CLOCK: variants seen among roughly 807,000 people sequenced by gnomAD.
The protein encoded by CLOCK is clock circadian regulator.
Under a neutral mutation model 118.4 loss-of-function variants are expected in CLOCK, and 43 were observed. The observed-to-expected ratio is 0.36, with a 90% confidence interval of 0.28 to 0.47. CLOCK has a LOEUF of 0.47. CLOCK is among the 20% of genes least tolerant of loss of function. CLOCK has a pLI of 1.00. For synonymous variants in CLOCK, 326 were observed against 339.2 expected (o/e 0.96, Z 0.43); for missense variants, 846 against 999.9 (o/e 0.85, Z 2.08).
At position 55,444,637 on chromosome 4, in the gene CLOCK, A is replaced by G; in HGVS notation, c.1688T>C (p.Leu563Pro). 2 of 1,614,080 alleles carry G rather than the reference A, an allele frequency of 1.2e-6. No individual in the cohort carries two copies. The highest frequency in any genetic ancestry group is 1.7e-6 in the Non-Finnish European group (2 of 1,179,994). Residue 563 changes from leucine to proline, a missense_variant, in exon 19 of 23, where the codon CTG becomes CCG. Around this residue, in one of 4 missense-constraint regions of CLOCK, gnomAD observed 520 missense variants for 558.0 expected, o/e 0.93. Coordinates refer to ENST00000513440, the MANE Select transcript of CLOCK (RefSeq NM_004898.4). ...EQLQMVHGQG[L>P]QMFLQQSNPG... ...GTATTCAAATATAACAATTACCTGC[A>G]GCCCCTGACCATGGACCATCTGAAG...
intron 1 of CLOCK, among the ~76,000 whole-genome samples, chr4:55,521,846 T>TC (rs368809430): frequency 2.6e-5 from 4 of 152,210 alleles, no homozygotes; most frequent in African/African-American, 9.6e-5. Context: ...GACAAACTGA[T>TC]CTTAGTATTT....
chr4:55,461,516 T>C (rs1725343629), intron 9 of CLOCK, among the ~76,000 whole-genome samples: 1 of 152,206 alleles, frequency 6.6e-6, no homozygotes, highest in Non-Finnish European at 1.5e-5. Flanking sequence ...ATCATCAGAA[T>C]GGTCTGATCC....
intron 1 of CLOCK, among the ~76,000 whole-genome samples, chr4:55,539,074 A>C (rs181567439): frequency 2.6e-5 from 4 of 152,170 alleles, no homozygotes; most frequent in Non-Finnish European, 4.4e-5. Context: ...CTCTACTAAA[A>C]ATACAAAAAA....
chr4:55,444,974 T>C (rs1029863419), intron 18 of CLOCK, among the ~76,000 whole-genome samples, 189 bp from the exon 19 acceptor site: 4 of 152,190 alleles, frequency 2.6e-5, no homozygotes, highest in Admixed American at 2.6e-4. Context: ...ACCTTCAAAA[T>C]ATTTCTCCTT....
At chr4:55,507,820 AT>A (rs1414050943) in intron 2 of CLOCK, among the ~76,000 whole-genome samples, 1 of 152,158 alleles carries the variant, frequency 6.6e-6, no homozygotes, top group Non-Finnish European at 1.5e-5. Context: ...TGTGCCAAAT[AT>A]GTGCCAGGCC....
At chr4:55,448,678 C>T (rs1724151461) in intron 18 of CLOCK, 101 bp downstream of exon 18, 14 of 756,402 alleles carry the variant, frequency 1.9e-5, no homozygotes, top group Middle Eastern at 2.5e-4. Context: ...GCTGTGGCTA[C>T]AGGTGCTTGC....
chr4:55,450,236 T>C lies in CLOCK; in HGVS notation c.1207-4A>G, dbSNP rs1487523741. 2 of 1,613,968 alleles carry C rather than the reference T, an allele frequency of 1.2e-6. No homozygotes were observed. Among genetic ancestry groups the C allele is most frequent in the Non-Finnish European group, 1.7e-6 (2 of 1,179,882 alleles). Reference sequence around the variant, plus strand: ...TATCTGACCCAGAATCTTGGCTCTATGGAGACAGAGTAAAATAAATGTTTT... The same window carrying C: ...TATCTGACCCAGAATCTTGGCTCTACGGAGACAGAGTAAAATAAATGTTTT... On this transcript the variant is annotated splice_region_variant and splice_polypyrimidine_tract_variant and intron_variant, in intron 15 of 22. Coordinates refer to ENST00000513440, the MANE Select transcript of CLOCK (RefSeq NM_004898.4).
rs1022480504 is a variant in CLOCK at position 55,438,187 on chromosome 4, T to A, written c.2361+95A>T. On this transcript the variant is annotated intron_variant, in intron 22 of 22. Transcript: ENST00000513440. ...AAACTGTACAATAAGCTTTTGTGAA[T>A]TTTTCACATCACTCACAAATCTGTT... The A allele has an allele frequency of 1.0e-5, 15 of 1,464,648 alleles. No individual in the cohort carries two copies. The Admixed American group carries it at 1.7e-4, about 17-fold the overall frequency. The allele number at this position is 1,464,648 out of a possible 1,614,324, so 90.7% of individuals were successfully genotyped here.
chr4:55,516,438 T>C (rs1297445127), intron 1 of CLOCK, among the ~76,000 whole-genome samples: 1 of 152,244 alleles, frequency 6.6e-6, no homozygotes, highest in African/African-American at 2.4e-5. Context: ...CCATTTATCA[T>C]TATTTATGCA....
intron 1 of CLOCK, among the ~76,000 whole-genome samples, chr4:55,526,623 G>C (rs918372622): frequency 3.3e-5 from 5 of 151,934 alleles, no homozygotes; most frequent in Admixed American, 2.6e-4. Flanking sequence ...CCCCAGGTCT[G>C]GGGAAAAGGT....
chr4:55,485,129 T>C (rs1465452076), intron 3 of CLOCK, among the ~76,000 whole-genome samples: 1 of 151,994 alleles, frequency 6.6e-6, no homozygotes, highest in Non-Finnish European at 1.5e-5. Flanking sequence ...ACAAGCCAGC[T>C]AATTTATCTA....
rs750679282 is a variant in CLOCK, at chr4:55,475,904, C to T, written c.348+59G>A. 101 of 1,176,624 alleles carry T rather than the reference C, an allele frequency of 8.6e-5. 1 individual carries two copies. Among genetic ancestry groups the T allele is most frequent in the Non-Finnish European group, 1.2e-4 (92 of 792,406 alleles). 72.9% of individuals were successfully genotyped at this position (1,176,624 alleles called of 1,614,324 possible). A position where few individuals can be genotyped will look rare whatever the true frequency, so the allele number is the denominator to read the frequency against. ...GCCAAGGTACACCTGGATATTAAGT[C>T]ACCCTGTGATTTCTTTTTTGAGGAA... is the stretch of plus-strand genomic sequence containing the variant. On this transcript the variant is annotated intron_variant, in intron 7 of 22. Transcript: ENST00000513440.
chr4:55,444,728 G>A lies in CLOCK; in HGVS notation c.1597C>T (p.Arg533Trp), dbSNP rs1248972337. Residue 533 changes from arginine (R) to tryptophan (W), a missense_variant, in exon 19 of 23, where the codon CGG (arginine) becomes TGG (tryptophan). Physicochemically the swap from Arg to Trp is moderately radical, Grantham distance 101. This residue lies in a region of CLOCK where 520 missense variants were observed against 558.0 expected (regional missense o/e 0.93). Coordinates refer to ENST00000513440, the MANE Select transcript of CLOCK (RefSeq NM_004898.4). ...ATATTTGCTTCTATCATGCGTGTCCGTTGTTCCAATTGGTCTTTCAGATGT... is the reference window on the plus strand; with the variant it reads ...ATATTTGCTTCTATCATGCGTGTCCATTGTTCCAATTGGTCTTTCAGATGT... The part of the protein sequence containing the change: ...MQHLKDQLEQ[R>W]TRMIEANIHR... The A allele has an allele frequency of 7.4e-6, 12 of 1,613,960 alleles. No homozygotes were observed. The highest frequency in any genetic ancestry group is 2.2e-5 in the East Asian group (1 of 44,866).
In CLOCK at chr4:55,459,969, C is replaced by T. The variant is rs574674397; in HGVS notation, c.560-708G>A. On this transcript the variant is annotated intron_variant, in intron 9 of 22. Coordinates refer to ENST00000513440, the MANE Select transcript of CLOCK (RefSeq NM_004898.4). ...GCACCTGGCCAAGGGTCCTTACTAT[C>T]TACTTTTAAATTTGCTCACGTCTTC... 6.6e-5 allele frequency among the ~76,000 whole-genome samples: 10 copies of T among 152,296 alleles called. No homozygotes were observed. In the South Asian group the frequency reaches 2.1e-3, roughly 32 times the overall value.
At chr4:55,462,556 G>C (rs1725419080) in intron 9 of CLOCK, among the ~76,000 whole-genome samples, 1 of 152,174 alleles carries the variant, frequency 6.6e-6, no homozygotes, top group African/African-American at 2.4e-5. Flanking sequence ...TGGGATTACA[G>C]GCATGAGCTA....
chr4:55,510,629 T>TC (rs1553901170), intron 1 of CLOCK, among the ~76,000 whole-genome samples: 53 of 104,306 alleles, frequency 5.1e-4, no homozygotes, highest in African/African-American at 2.2e-3. Flanking sequence ...TCTGTCTTTT[T>TC]AAAAAAAAAA....
chr4:55,500,512 T>A (rs1320237968), intron 2 of CLOCK, among the ~76,000 whole-genome samples: 1 of 151,858 alleles, frequency 6.6e-6, no homozygotes. Context: ...CCCTATTGAT[T>A]TTTAACTTTT....
rs1722407414 is a variant in CLOCK, at chr4:55,430,180, T to G, written c.*5235A>C. The G allele has an allele frequency of 1.3e-5, 2 of 152,014 alleles. No individual in the cohort carries two copies. The highest frequency in any genetic ancestry group is 4.2e-4 in the South Asian group (2 of 4,794). The allele number at this position is 152,014 out of a possible 1,614,324, so 9.4% of individuals were successfully genotyped here. A position where few individuals can be genotyped will look rare whatever the true frequency, so the allele number is the denominator to read the frequency against. ...AATTCTTTCATAAATACTTACTAGT[T>G]TGATTGTCACTTAATGCAGCACCTC... is the stretch of plus-strand genomic sequence containing the variant. On this transcript the variant is annotated 3_prime_UTR_variant, in exon 23 of 23. Coordinates refer to ENST00000513440, the MANE Select transcript of CLOCK (RefSeq NM_004898.4).
chr4:55,438,635 G>A (rs921180827), intron 21 of CLOCK, 98 bp from the exon 22 acceptor site: 1 of 1,559,742 alleles, frequency 6.4e-7, no homozygotes, highest in South Asian at 1.1e-5. Context: ...AATACCCAAT[G>A]ACATTGCCAG....
Sources: allele counts gnomAD v4.1 joint callset (sites outside exome capture counted in the v4.1 genomes callset), GRCh38; gene constraint gnomAD v4.1.1; regional missense constraint gnomAD v4.1.1; transcripts MANE v1.5; gene names NCBI Gene and HGNC (gene_info 2026-07-23, HGNC 2026-07-21).